NEXMIF: variants seen among roughly 807,000 people sequenced by gnomAD.
NEXMIF encodes the protein neurite extension and migration factor, also known as XLMR protein related to neurite extension.
Under a neutral mutation model 62.1 loss-of-function variants are expected in NEXMIF, and 8 were observed. That is an observed-to-expected ratio of 0.13 (90% CI 0.08 to 0.23). The LOEUF is 0.23. Among genes scored for constraint, NEXMIF ranks in the 10% least tolerant of loss-of-function variants. The pLI is 1.00. For missense variants in NEXMIF, 976 were observed against 1,113.3 expected (o/e 0.88, Z 1.75); for synonymous variants, 404 against 416.6 (o/e 0.97, Z 0.37).
intron 1 of NEXMIF, among the ~76,000 whole-genome samples, chrX:74,763,292 T>C (rs2147450971): frequency 9.0e-6 from 1 of 111,239 alleles, no homozygotes; most frequent in South Asian, 3.8e-4. Flanking sequence ...TGTGGTATTA[T>C]TTCTGAGGCC....
chrX:74,879,651 T>C (rs2080654894), intron 1 of NEXMIF, among the ~76,000 whole-genome samples: 1 of 112,058 alleles, frequency 8.9e-6, no homozygotes, highest in Non-Finnish European at 1.9e-5. Flanking sequence ...ACATTTGGAA[T>C]GGGGGTCTGA....
chrX:74,895,213 C>A (rs2080729300), intron 1 of NEXMIF, among the ~76,000 whole-genome samples: 1 of 111,769 alleles, frequency 8.9e-6, no homozygotes, highest in South Asian at 3.7e-4. Flanking sequence ...GTCCCAATTA[C>A]AACAGCCACA....
At chrX:74,764,844 T>C (rs1285536938) in intron 1 of NEXMIF, among the ~76,000 whole-genome samples, 2 of 111,991 alleles carry the variant, frequency 1.8e-5, no homozygotes, top group Non-Finnish European at 3.8e-5. Context: ...TATGTCTGAT[T>C]GTGTGGTTGA....
At chrX:74,825,154 A>G (rs1602240868) in intron 1 of NEXMIF, among the ~76,000 whole-genome samples, 2 of 111,859 alleles carry the variant, frequency 1.8e-5, no homozygotes, top group Middle Eastern at 9.2e-3. Context: ...AGCAATATTG[A>G]GCATTTTTTC....
chrX:74,811,469 T>A (rs1370534253), intron 1 of NEXMIF, among the ~76,000 whole-genome samples: 1 of 112,561 alleles, frequency 8.9e-6, no homozygotes, highest in Non-Finnish European at 1.9e-5. Flanking sequence ...TATTCTCTTA[T>A]GTCTAACATT....
chrX:74,740,285 A>G lies in NEXMIF; in HGVS notation c.4272T>C (p.Ser1424=). ...NMPGYNEDSR[S]TFFDKKYSNM... is the part of the protein sequence containing the mutation. The stretch of plus-strand genomic sequence containing the variant: ...TACTATACTTTTTATCAAAGAAGGT[A>G]GAGCGAGAGTCCTCGTTATAACCAG... Residue 1424 remains serine (S), a synonymous_variant, in exon 3 of 4, where the codon TCT becomes TCC. Coordinates refer to ENST00000055682, the MANE Select transcript of NEXMIF (RefSeq NM_001008537.3). 1.7e-6 allele frequency: 2 copies of G among 1,211,363 alleles called. No homozygotes were observed. The highest frequency in any genetic ancestry group is 2.2e-6 in the Non-Finnish European group (2 of 895,271).
intron 1 of NEXMIF, among the ~76,000 whole-genome samples, chrX:74,783,593 C>T (rs1400491602): frequency 9.0e-6 from 1 of 111,472 alleles, no homozygotes; most frequent in African/African-American, 3.3e-5. Flanking sequence ...ATTGACATGG[C>T]TCCAACGTAA....
chrX:74,878,192 A>G (rs2080645937), intron 1 of NEXMIF, among the ~76,000 whole-genome samples: 2 of 111,411 alleles, frequency 1.8e-5, no homozygotes, highest in African/African-American at 6.5e-5. Flanking sequence ...TCTGTTTGTT[A>G]GTTTTCCTTC....
At chrX:74,785,494 A>G (rs1424232877) in intron 1 of NEXMIF, among the ~76,000 whole-genome samples, 1 of 111,611 alleles carries the variant, frequency 9.0e-6, no homozygotes, top group Non-Finnish European at 1.9e-5. Flanking sequence ...CTAAAAAAAA[A>G]ATTTTTTTTC....
intron 1 of NEXMIF, among the ~76,000 whole-genome samples, chrX:74,802,812 C>A (rs957038562): frequency 9.1e-6 from 1 of 110,451 alleles, no homozygotes; most frequent in Non-Finnish European, 1.9e-5. Context: ...TAAATTCAAG[C>A]AAACAGAGAA....
chrX:74,756,139 T>C (rs1274900312), intron 1 of NEXMIF, among the ~76,000 whole-genome samples: 1 of 110,796 alleles, frequency 9.0e-6, no homozygotes, highest in Non-Finnish European at 1.9e-5. Flanking sequence ...AATTTTTGTA[T>C]TTTTGTAGAG....
chrX:74,878,861 G>A (rs747820533), intron 1 of NEXMIF, among the ~76,000 whole-genome samples: 27 of 112,099 alleles, frequency 2.4e-4, no homozygotes, highest in African/African-American at 5.8e-4. Flanking sequence ...CGCATGGTGC[G>A]CGCACCCACT....
At chrX:74,821,055 T>C (rs193194574) in intron 1 of NEXMIF, among the ~76,000 whole-genome samples, 38 of 110,740 alleles carry the variant, frequency 3.4e-4, no homozygotes, top group African/African-American at 1.2e-3. Flanking sequence ...AAATAAGTAA[T>C]TTTTTTTGCA....
At chrX:74,852,256 G>A (rs902309961) in intron 1 of NEXMIF, among the ~76,000 whole-genome samples, 2 of 111,616 alleles carry the variant, frequency 1.8e-5, no homozygotes, top group Admixed American at 1.9e-4. Flanking sequence ...GATCAATTCA[G>A]CAAGAGAATA....
intron 1 of NEXMIF, among the ~76,000 whole-genome samples, chrX:74,807,267 G>T (rs957403791): frequency 9.0e-6 from 1 of 111,149 alleles, no homozygotes; most frequent in Admixed American, 9.6e-5. Context: ...TATTTTGTTA[G>T]ATTTATACCT....
At chrX:74,846,440 T>C (rs2080492086) in intron 1 of NEXMIF, among the ~76,000 whole-genome samples, 1 of 111,820 alleles carries the variant, frequency 8.9e-6, no homozygotes, top group South Asian at 3.8e-4. Context: ...ATGGACTATT[T>C]AACTAGCTCT....
rs138598203 is a variant in NEXMIF, at chrX:74,842,633, T to C, written c.-48+82250A>G. Among the ~76,000 whole-genome samples the C allele has an allele frequency of 9.6e-3, 1,075 of 111,859 alleles. 6 individuals carry two copies. Among genetic ancestry groups the C allele is most frequent in the Non-Finnish European group, 0.015 (783 of 53,109 alleles). ...AGTGCTATTAGTTTCCCTCTTAACA[T>C]TGCCCTAGCTGTGTCCCAGAGATTC... On this transcript the variant is annotated intron_variant, in intron 1 of 3. Coordinates refer to ENST00000055682, the MANE Select transcript of NEXMIF (RefSeq NM_001008537.3).
At chrX:74,799,192 G>A (rs2080321632) in intron 1 of NEXMIF, among the ~76,000 whole-genome samples, 1 of 110,701 alleles carries the variant, frequency 9.0e-6, no homozygotes. Context: ...TTATTGACTA[G>A]TTGTTGAGTC....
chrX:74,805,550 T>A (rs2147472372), intron 1 of NEXMIF, among the ~76,000 whole-genome samples: 1 of 112,237 alleles, frequency 8.9e-6, no homozygotes, highest in East Asian at 2.8e-4. Context: ...TTGTTACAAT[T>A]GCTTTTGAGG....
Sources: gnomAD v4.1 joint callset for allele counts (sites outside exome capture counted in the v4.1 genomes callset) on GRCh38, gnomAD v4.1.1 for gene constraint, MANE v1.5 for transcripts, NCBI Gene and HGNC (gene_info 2026-07-23, HGNC 2026-07-21) for gene names.